PRDM10: variants seen among roughly 807,000 people sequenced by gnomAD.
PRDM10 encodes PR/SET domain 10, also known as PR domain zinc finger protein 10.
PRDM10 carries 65 observed loss-of-function variants against 133.1 expected under a neutral mutation model. That is an observed-to-expected ratio of 0.49 (90% CI 0.40 to 0.60). The LOEUF is 0.60. PRDM10 is among the 20% of genes least tolerant of loss of function. The pLI is 0.00. For synonymous variants in PRDM10, 582 were observed against 580.4 expected, an observed-to-expected ratio of 1.00 and a Z score of -0.04; for missense variants, 1,137 against 1,507.1, an observed-to-expected ratio of 0.75 and a Z score of 4.07.
In PRDM10 at chr11:129,912,211, G is replaced by C. The variant is rs1464288597; in HGVS notation, c.2856C>G (p.His952Gln). The change falls in exon 18 of 21, where the codon CAC becomes CAG. Residue 952 changes from histidine to glutamine, a missense_variant. His to Gln is a conservative substitution (Grantham distance 24). Coordinates refer to ENST00000360871, the MANE Select transcript of PRDM10 (RefSeq NM_199437.2). ...VVQVASATSPHQSQQSTVDVG... is the reference protein window; with the variant it reads ...VVQVASATSPQQSQQSTVDVG... ...CATCCACAGTGGACTGCTGTGACTG[G>C]TGAGGGGAAGTGGCCTGGAAGGAGA... 1 of 1,592,316 alleles carries C rather than the reference G, an allele frequency of 6.3e-7. No homozygotes were observed. The highest frequency in any genetic ancestry group is 8.6e-7 in the Non-Finnish European group (1 of 1,166,904).
intron 4 of PRDM10, 141 bp downstream of exon 4, chr11:129,955,371 T>C (rs1951677261): frequency 2.9e-6 from 2 of 693,358 alleles, no homozygotes; most frequent in Non-Finnish European, 4.6e-6. Flanking sequence ...TTTTGCTTTG[T>C]TTTCATTAAA....
chr11:129,912,183 C>A lies in PRDM10; in HGVS notation c.2884G>T (p.Gly962Cys). The A allele has an allele frequency of 6.2e-7, 1 of 1,610,440 alleles. No homozygotes were observed. Among genetic ancestry groups the A allele is most frequent in the Non-Finnish European group, 8.5e-7 (1 of 1,177,762 alleles). ...TAGGGCTGAGGATCATGGAGCTGGC[C>A]AACATCCACAGTGGACTGCTGTGAC... is the stretch of plus-strand genomic sequence containing the variant. ...HQSQQSTVDV[G>C]QLHDPQPYPQ... The change falls in exon 18 of 21, where the codon GGC (glycine) becomes TGC (cysteine). Residue 962 changes from glycine (G) to cysteine (C), a missense_variant. Gly to Cys is a radical substitution (Grantham distance 159, BLOSUM62 -3). This residue lies in a region of PRDM10 where 243 missense variants were observed against 259.2 expected (regional missense o/e 0.94). Transcript: ENST00000360871.
intron 1 of PRDM10, among the ~76,000 whole-genome samples, chr11:129,983,197 C>T (rs1200625316): frequency 1.3e-5 from 2 of 151,824 alleles, no homozygotes; most frequent in African/African-American, 4.8e-5. Context: ...AGACTGGTCT[C>T]GAACTTCTGA....
In PRDM10 at chr11:129,947,260, T is replaced by C. The variant is rs76174913; in HGVS notation, c.405A>G (p.Glu135=). ...TGTCCTCGTCCTCATCCTCATCCTC[T>C]TCCTCTTTGGCCTCCAGTCTGCCTA... ...TPLGRLEAKE[E]EDEDEDEDTE... The change falls in exon 5 of 21, where the codon GAA becomes GAG. Residue 135 remains glutamate, a synonymous_variant. Coordinates refer to ENST00000360871, the MANE Select transcript of PRDM10 (RefSeq NM_199437.2). This position sits in a 1 kb window ranked among gnomAD's most constrained non-coding sequence, Gnocchi z 4.6. 0.011 allele frequency: 18,408 copies of C among 1,614,144 alleles called. 121 individuals carry two copies. The highest frequency in any genetic ancestry group is 0.014 in the Non-Finnish European group (16,034 of 1,180,018).
chr11:129,916,586 G>C (rs894878424), intron 15 of PRDM10, among the ~76,000 whole-genome samples: 26 of 152,328 alleles, frequency 1.7e-4, no homozygotes, highest in Admixed American at 2.6e-4. Context: ...AGTGAGCTGA[G>C]ATCATGCCAC....
intron 8 of PRDM10, among the ~76,000 whole-genome samples, chr11:129,936,375 C>T (rs766697968): frequency 1.3e-5 from 2 of 151,732 alleles, no homozygotes; most frequent in African/African-American, 2.4e-5. Flanking sequence ...CTTTTTCGGC[C>T]GGGTGCAGTG....
At position 129,910,658 on chromosome 11, in the gene PRDM10, T is replaced by A. The variant is rs1950160971; in HGVS notation, c.2983-2A>T. Reference sequence around the variant, plus strand: ...GGGACTCAACGGCTGCCCAGATACCTGGGGAGAAAGAGAAAGCAATGGTAG... The same window carrying A: ...GGGACTCAACGGCTGCCCAGATACCAGGGGAGAAAGAGAAAGCAATGGTAG... On this transcript the variant is annotated splice_acceptor_variant, in intron 18 of 20. Coordinates refer to ENST00000360871, the MANE Select transcript of PRDM10 (RefSeq NM_199437.2). LOFTEE classifies it high-confidence loss of function. 6.4e-7 allele frequency: 1 copy of A among 1,554,198 alleles called. No homozygotes were observed. The highest frequency in any genetic ancestry group is 8.7e-7 in the Non-Finnish European group (1 of 1,150,864).
rs758158185 is a variant in PRDM10, at chr11:129,947,226, C to A, written c.439G>T (p.Asp147Tyr). ...GTGTCCTCACCGTCTTCTTCCTCAT[C>A]TTCCTCAGTGTCCTCGTCCTCATCC... ...DEDEDEDTEE[D>Y]EEEDGEDTDL... Residue 147 changes from aspartate (D) to tyrosine (Y), a missense_variant, in exon 5 of 21, where the codon GAT becomes TAT. By Grantham distance (160) the Asp-to-Tyr change is radical. Coordinates refer to ENST00000360871, the MANE Select transcript of PRDM10 (RefSeq NM_199437.2). The surrounding 1 kb of genome is among the most constrained non-coding windows in gnomAD (Gnocchi z 4.6). 1.2e-6 allele frequency: 2 copies of A among 1,614,096 alleles called. No homozygotes were observed. Among genetic ancestry groups the A allele is most frequent in the African/African-American group, 2.7e-5 (2 of 74,938 alleles).
At chr11:129,989,288 A>G (rs1317134682) in intron 1 of PRDM10, among the ~76,000 whole-genome samples, 2 of 152,056 alleles carry the variant, frequency 1.3e-5, no homozygotes, top group Admixed American at 6.6e-5. Context: ...CCTGGCCAAC[A>G]GCAAGACCCT....
intron 14 of PRDM10, 81 bp from the exon 15 acceptor site, chr11:129,917,318 C>T: frequency 9.6e-7 from 1 of 1,036,914 alleles, no homozygotes; most frequent in South Asian, 1.5e-5. Context: ...CTGATAATGA[C>T]CGCCAGAAGC....
chr11:129,978,261 T>G (rs1161726370), intron 1 of PRDM10, among the ~76,000 whole-genome samples: 1 of 152,170 alleles, frequency 6.6e-6, no homozygotes, highest in East Asian at 1.9e-4. Flanking sequence ...GATGGAGCTC[T>G]GGAAGCTCCA....
In PRDM10 at chr11:129,900,344, A is replaced by AAG. The variant is rs1949811023; in HGVS notation, c.*1968_*1969insCT. 6 of 151,132 alleles carry AAG rather than the reference A, an allele frequency of 4.0e-5. No homozygotes were observed. The highest frequency in any genetic ancestry group is 2.0e-4 in the Admixed American group (3 of 15,084). 9.4% of individuals were successfully genotyped at this position (151,132 alleles called of 1,614,324 possible). ...AGAGTCTTTATTTCACTTAAGGACC[A>AAG]AAGAAGAAGAAGAAGAAGAAGAAGA... On this transcript the variant is annotated 3_prime_UTR_variant, in exon 21 of 21. Transcript: ENST00000360871.
chr11:129,924,824 C>A, intron 12 of PRDM10, 58 bp downstream of exon 12: 8 of 1,465,430 alleles, frequency 5.5e-6, no homozygotes, highest in Non-Finnish European at 6.4e-6. Flanking sequence ...TTCCAAAAAT[C>A]GAAGTTTCTT....
At position 129,951,345 on chromosome 11, in the gene PRDM10, G is replaced by A. The variant is rs147761203; in HGVS notation, c.295-3975C>T. ...CTATGGAATTCAGTCTATTCAAGGA[G>A]GGCAGCAGAAGCGGTAAACGTCACC... is the stretch of plus-strand genomic sequence containing the variant. On this transcript the variant is annotated intron_variant, in intron 4 of 20. Coordinates refer to ENST00000360871, the MANE Select transcript of PRDM10 (RefSeq NM_199437.2). 8.2e-4 allele frequency among the ~76,000 whole-genome samples: 125 copies of A among 152,282 alleles called. 4 individuals carry two copies. In the East Asian group the frequency reaches 0.021, roughly 26 times the overall value.
At position 129,947,710 on chromosome 11, in the gene PRDM10, C is replaced by A. The variant is rs1951465627; in HGVS notation, c.295-340G>T. The A allele has an allele frequency of 4.0e-6, 2 of 505,968 alleles. No individual in the cohort carries two copies. The highest frequency in any genetic ancestry group is 2.3e-5 in the South Asian group (1 of 43,866). The allele number at this position is 505,968 out of a possible 1,614,324, so 31.3% of individuals were successfully genotyped here. ...CTGACCACCTGCGTCCTGACCCCAC[C>A]CCTAAAACTTAATAAAACCTGGTCT... On this transcript the variant is annotated intron_variant, in intron 4 of 20. Coordinates refer to ENST00000360871, the MANE Select transcript of PRDM10 (RefSeq NM_199437.2). This position sits in a 1 kb window ranked among gnomAD's most constrained non-coding sequence, Gnocchi z 4.6.
Position 129,937,581 on chromosome 11 carries a change from CAT to C in PRDM10, c.1039+15_1039+16del. 6.2e-7 allele frequency: 1 copy of C among 1,606,516 alleles called. No individual in the cohort carries two copies. The highest frequency in any genetic ancestry group is 8.5e-7 in the Non-Finnish European group (1 of 1,176,176). On this transcript the variant is annotated intron_variant, in intron 8 of 20. Coordinates refer to ENST00000360871, the MANE Select transcript of PRDM10 (RefSeq NM_199437.2). ...TAGAATTCATATAGAAAATGTAAAA[CAT>C]AAACGTCTAACCACCTTTCCTTTCT...
intron 20 of PRDM10, among the ~76,000 whole-genome samples, 155 bp downstream of exon 20, chr11:129,905,483 T>C (rs1371869968): frequency 2.0e-5 from 3 of 151,666 alleles, no homozygotes; most frequent in African/African-American, 7.3e-5. Flanking sequence ...GCACTGAGGA[T>C]AAAGTGATAA....
Position 129,935,091 on chromosome 11 carries a change from TCATA to T in PRDM10, c.1157+6_1157+9del, listed in dbSNP as rs1045410891. The stretch of plus-strand genomic sequence containing the variant: ...AACTCAGTCTGTGAGCATTTCTCCC[TCATA>T]CATACCTGCTAAACACATCTAGTTT... On this transcript the variant is annotated splice_donor_region_variant and intron_variant, in intron 9 of 20. Coordinates refer to ENST00000360871, the MANE Select transcript of PRDM10 (RefSeq NM_199437.2). 1 of 1,599,434 alleles carries T rather than the reference TCATA, an allele frequency of 6.3e-7. No homozygotes were observed. Among genetic ancestry groups the T allele is most frequent in the Non-Finnish European group, 8.6e-7 (1 of 1,166,816 alleles).
intron 1 of PRDM10, among the ~76,000 whole-genome samples, chr11:129,982,324 G>A (rs1447661214): frequency 6.7e-6 from 1 of 150,202 alleles, no homozygotes; most frequent in Non-Finnish European, 1.5e-5. Context: ...GTGCAGTGGT[G>A]CAATCTCAGC....
Sources: allele counts gnomAD v4.1 joint callset (sites outside exome capture counted in the v4.1 genomes callset), GRCh38; gene constraint gnomAD v4.1.1; regional missense constraint gnomAD v4.1.1; non-coding constraint Gnocchi (gnomAD v3.1); transcripts MANE v1.5; gene names NCBI Gene and HGNC (gene_info 2026-07-23, HGNC 2026-07-21).